The following NUP62CL variants were observed in gnomAD, a reference collection of about 807,000 sequenced individuals.
The protein encoded by NUP62CL is nucleoporin 62 C-terminal like.
Under a neutral mutation model 15.3 loss-of-function variants are expected in NUP62CL, and 13 were observed. The ratio of observed to expected loss-of-function variants is 0.85; its 90% CI spans 0.55 to 1.35. The LOEUF (loss-of-function observed/expected upper bound fraction) is 1.35, where lower values mean the gene tolerates loss of function less well. NUP62CL is among the 40% of genes most tolerant of loss of function. The pLI is 0.00. For synonymous variants in NUP62CL, 54 were observed against 49.2 expected (o/e 1.10, Z -0.41); for missense variants, 123 against 130.6 (o/e 0.94, Z 0.28).
At chrX:107,152,117 G>GAT (rs3072230) in intron 7 of NUP62CL, among the ~76,000 whole-genome samples, 2,263 of 33,352 alleles carry the variant, frequency 0.068, 337 homozygotes, top group East Asian at 0.18. Context: ...TATATATTCA[G>GAT]ATATATATAT....
At chrX:107,173,995 G>A (rs1926709095) in intron 3 of NUP62CL, among the ~76,000 whole-genome samples, 1 of 107,907 alleles carries the variant, frequency 9.3e-6, no homozygotes. Flanking sequence ...AATTGCCTAA[G>A]ACATACAAAA....
Position 107,175,127 on chromosome X carries a change from G to C in NUP62CL, c.20C>G (p.Ser7Ter), listed in dbSNP as rs142741586. 618 of 1,206,039 alleles carry C rather than the reference G, an allele frequency of 5.1e-4. No homozygotes were observed. The highest frequency in any genetic ancestry group is 6.5e-4 in the Non-Finnish European group (578 of 892,293). Residue 7 changes from serine (S) to a stop codon, truncating the protein, a stop_gained, in exon 3 of 9, where the codon TCA becomes TGA. Coordinates refer to ENST00000372466, the MANE Select transcript of NUP62CL (RefSeq NM_017681.3). LOFTEE classifies it high-confidence loss of function. MQFTSI[S>*]NSLTSTAAIG... ...AGCAGCAGTGGAGGTCAAAGAATTTGATATTGAGGTAAACTGCATGGTGCT... is the reference window on the plus strand; with the variant it reads ...AGCAGCAGTGGAGGTCAAAGAATTTCATATTGAGGTAAACTGCATGGTGCT...
intron 8 of NUP62CL, among the ~76,000 whole-genome samples, chrX:107,126,819 A>G (rs923959746): frequency 8.9e-6 from 1 of 112,438 alleles, no homozygotes; most frequent in African/African-American, 3.2e-5. Flanking sequence ...GGATCACCTG[A>G]GGTCAGGAGT....
rs1251035071 is a variant in NUP62CL at position 107,123,569 on chromosome X, C to T, written c.*806G>A. The T allele has an allele frequency of 9.2e-6, 1 of 108,308 alleles. No individual in the cohort carries two copies. Among genetic ancestry groups the T allele is most frequent in the Non-Finnish European group, 1.9e-5 (1 of 52,133 alleles). 8.9% of individuals were successfully genotyped at this position (108,308 alleles called of 1,213,427 possible). A position where few individuals can be genotyped will look rare whatever the true frequency, so the allele number is the denominator to read the frequency against. On this transcript the variant is annotated 3_prime_UTR_variant, in exon 9 of 9. Coordinates refer to ENST00000372466, the MANE Select transcript of NUP62CL (RefSeq NM_017681.3). Reference sequence around the variant, plus strand: ...ACCTAAGAACAAGGCTTATTTAAAACAAAACAAAACAAACAAACAAAAAAA... The same window carrying T: ...ACCTAAGAACAAGGCTTATTTAAAATAAAACAAAACAAACAAACAAAAAAA...
chrX:107,134,950 AC>A (rs950053285), intron 8 of NUP62CL, among the ~76,000 whole-genome samples: 1 of 111,659 alleles, frequency 9.0e-6, no homozygotes, highest in African/African-American at 3.3e-5. Flanking sequence ...ATCTTGGCTC[AC>A]CGCAACCTCT....
chrX:107,163,745 A>C (rs1926443530), intron 4 of NUP62CL, among the ~76,000 whole-genome samples: 1 of 112,096 alleles, frequency 8.9e-6, no homozygotes, highest in Non-Finnish European at 1.9e-5. Flanking sequence ...AGAACAAAGA[A>C]AATTACTAGA....
At position 107,131,602 on chromosome X, in the gene NUP62CL, C is replaced by T. The variant is rs772979048; in HGVS notation, c.*43-7270G>A. On this transcript the variant is annotated intron_variant, in intron 8 of 8. Transcript: ENST00000372466. Reference sequence around the variant, plus strand: ...GGTACTCAAGATGGCAGCTCCGCGTCGCCAGTGACTAGTAGGCGAGGCGCC... The same window carrying T: ...GGTACTCAAGATGGCAGCTCCGCGTTGCCAGTGACTAGTAGGCGAGGCGCC... 2.5e-4 allele frequency: 114 copies of T among 452,834 alleles called. No homozygotes were observed. In the East Asian group the frequency reaches 4.2e-3, roughly 17 times the overall value. The allele number at this position is 452,834 out of a possible 1,213,427, so 37.3% of individuals were successfully genotyped here.
intron 4 of NUP62CL, among the ~76,000 whole-genome samples, chrX:107,156,798 G>A (rs1275346000): frequency 1.8e-5 from 2 of 108,212 alleles, no homozygotes; most frequent in East Asian, 5.8e-4. Context: ...TTGACGAGCT[G>A]AGAGGAAGGC....
chrX:107,192,363 A>G (rs1412955026), intron 2 of NUP62CL, among the ~76,000 whole-genome samples: 1 of 111,764 alleles, frequency 8.9e-6, no homozygotes, highest in Non-Finnish European at 1.9e-5. Context: ...TACCTTGGGA[A>G]TAAATAGCAT....
chrX:107,129,119 A>G (rs1457433466), intron 8 of NUP62CL, among the ~76,000 whole-genome samples: 8 of 112,191 alleles, frequency 7.1e-5, no homozygotes, highest in Non-Finnish European at 1.1e-4. Context: ...AGAAAAAGAC[A>G]AAAGCATAAA....
At chrX:107,188,370 T>G (rs923756418) in intron 2 of NUP62CL, among the ~76,000 whole-genome samples, 3 of 110,959 alleles carry the variant, frequency 2.7e-5, no homozygotes, top group Non-Finnish European at 3.8e-5. Flanking sequence ...ACCATATCAA[T>G]TGATGCAGAA....
rs1284724031 is a variant in NUP62CL, at chrX:107,123,750, C to A, written c.*625G>T. 1 of 111,880 alleles carries A rather than the reference C, an allele frequency of 8.9e-6. No individual in the cohort carries two copies. Among genetic ancestry groups the A allele is most frequent in the East Asian group, 2.8e-4 (1 of 3,566 alleles). 9.2% of individuals were successfully genotyped at this position (111,880 alleles called of 1,213,427 possible). On this transcript the variant is annotated 3_prime_UTR_variant, in exon 9 of 9. Transcript: ENST00000372466. ...AATAATCTACCCTAACTTTTCCTCC[C>A]TGCTCTGAATCTCTATAACACACTT... is the stretch of plus-strand genomic sequence containing the variant.
intron 1 of NUP62CL, among the ~76,000 whole-genome samples, chrX:107,195,177 T>C (rs1441577495): frequency 1.1e-4 from 12 of 111,586 alleles, no homozygotes. Context: ...TAAAGCAGCA[T>C]TTTAAAAAAT....
At chrX:107,203,784 G>C (rs769362983) in intron 1 of NUP62CL, among the ~76,000 whole-genome samples, 6 of 111,572 alleles carry the variant, frequency 5.4e-5, no homozygotes, top group Non-Finnish European at 1.1e-4. Flanking sequence ...ATAAAGATAG[G>C]AGGGGAACAG....
intron 3 of NUP62CL, among the ~76,000 whole-genome samples, chrX:107,172,950 G>A (rs1015230840): frequency 1.8e-4 from 20 of 111,151 alleles, no homozygotes; most frequent in Non-Finnish European, 3.6e-4. Context: ...CCTACTTACT[G>A]CTTGTTATGA....
chrX:107,161,741 A>G (rs1000799884), intron 4 of NUP62CL, among the ~76,000 whole-genome samples: 2 of 99,284 alleles, frequency 2.0e-5, no homozygotes, highest in African/African-American at 3.7e-5. Context: ...TAACCTGCAC[A>G]ATGTGCACAT....
chrX:107,201,764 C>CA (rs1030148844), intron 1 of NUP62CL, among the ~76,000 whole-genome samples: 3 of 107,137 alleles, frequency 2.8e-5, no homozygotes, highest in Non-Finnish European at 5.8e-5. Context: ...CTTGTCTCTA[C>CA]AAAAAAAAAT....
At chrX:107,135,756 A>C (rs1925625569) in intron 8 of NUP62CL, among the ~76,000 whole-genome samples, 1 of 111,877 alleles carries the variant, frequency 8.9e-6, no homozygotes, top group Middle Eastern at 4.2e-3. Flanking sequence ...GCATGGTTTC[A>C]CTTTACGTGA....
intron 8 of NUP62CL, among the ~76,000 whole-genome samples, chrX:107,135,338 A>T (rs999162023): frequency 3.6e-5 from 4 of 112,166 alleles, no homozygotes; most frequent in African/African-American, 1.3e-4. Flanking sequence ...AAGTTTCTTT[A>T]AACTTAAAGG....
Sources: allele counts gnomAD v4.1 joint callset (sites outside exome capture counted in the v4.1 genomes callset), GRCh38; gene constraint gnomAD v4.1.1; transcripts MANE v1.5; gene names NCBI Gene and HGNC (gene_info 2026-07-23, HGNC 2026-07-21).